Variants in SPICE1 observed in about 807,000 individuals in gnomAD.
SPICE1 encodes spindle and centriole associated protein 1, also known as spindle and centriole-associated protein 1.
In SPICE1, 75 loss-of-function variants were observed where a neutral mutation model predicts 102.7. The ratio of observed to expected loss-of-function variants is 0.73; its 90% CI spans 0.61 to 0.88. The LOEUF (loss-of-function observed/expected upper bound fraction) is 0.88, where lower values mean the gene tolerates loss of function less well. SPICE1 is among the 40% of genes least tolerant of loss of function. The pLI, the probability that SPICE1 is intolerant of heterozygous loss-of-function variation, is 0.00. For synonymous variants in SPICE1, 308 were observed against 350.3 expected, an observed-to-expected ratio of 0.88 and a Z score of 1.35; for missense variants, 979 against 1,020.1, an observed-to-expected ratio of 0.96 and a Z score of 0.55.
rs1481608687 is a variant in SPICE1 at position 113,453,798 on chromosome 3, ATC to A, written c.1808_1809del (p.Arg603MetfsTer20). 4 of 1,614,154 alleles carry A rather than the reference ATC, an allele frequency of 2.5e-6. No individual in the cohort carries two copies. In the South Asian group the frequency reaches 4.4e-5, roughly 18 times the overall value. On this transcript the variant is annotated frameshift_variant, in exon 14 of 18. Transcript: ENST00000295872. LOFTEE classifies it high-confidence loss of function. ...SSEENRLFTQ[R>X]WRVSHMGEDL... The stretch of plus-strand genomic sequence containing the variant: ...TCTTCTCCCATGTGAGAGACTCTCC[ATC>A]TCTGAGTGAAGAGACGATTCTCTTC...
At chr3:113,454,121 C>A (rs538670856) in intron 13 of SPICE1, among the ~76,000 whole-genome samples, 171 bp from the exon 14 acceptor site, 1 of 152,108 alleles carries the variant, frequency 6.6e-6, no homozygotes, top group Non-Finnish European at 1.5e-5. Context: ...TGCCGCCCCT[C>A]GTAATCAAGT....
At chr3:113,474,297 G>C (rs1054729760) in intron 7 of SPICE1, among the ~76,000 whole-genome samples, 1 of 152,090 alleles carries the variant, frequency 6.6e-6, no homozygotes, top group Non-Finnish European at 1.5e-5. Context: ...CAAGTTCTGA[G>C]TGACCTACAA....
chr3:113,461,282 T>C (rs1935927730), intron 11 of SPICE1, among the ~76,000 whole-genome samples: 1 of 151,786 alleles, frequency 6.6e-6, no homozygotes, highest in African/African-American at 2.4e-5. Context: ...CTATATTTTA[T>C]ATATGTATAT....
chr3:113,450,539 G>A (rs1240893791), intron 14 of SPICE1, 23 bp from the exon 15 acceptor site: 1 of 1,507,466 alleles, frequency 6.6e-7, no homozygotes, highest in South Asian at 1.3e-5. Context: ...AAAAAAAAAA[G>A]TACAAATTGA....
intron 5 of SPICE1, 65 bp from the exon 6 acceptor site, chr3:113,493,377 T>C (rs1459304807): frequency 2.4e-6 from 3 of 1,262,384 alleles, no homozygotes; most frequent in Middle Eastern, 1.8e-4. Context: ...ACAAGCTCTA[T>C]ACTGCCATTG....
intron 3 of SPICE1, 91 bp downstream of exon 3, chr3:113,503,088 AG>A: frequency 1.9e-5 from 25 of 1,319,306 alleles, no homozygotes; most frequent in Non-Finnish European, 2.5e-5. Flanking sequence ...AACAACTTCC[AG>A]GAAGTGCCTA....
Position 113,446,691 on chromosome 3 carries a change from TA to T in SPICE1, c.2427-16del, listed in dbSNP as rs1484109046. The T allele has an allele frequency of 1.3e-6, 2 of 1,583,742 alleles. No homozygotes were observed. Among genetic ancestry groups the T allele is most frequent in the Non-Finnish European group, 1.7e-6 (2 of 1,154,100 alleles). ...CCCCGGAAGATCTATTCATGAAAAA[TA>T]AAACAGAGTAAGAGAGTGAGCTATC... On this transcript the variant is annotated splice_polypyrimidine_tract_variant and intron_variant, in intron 16 of 17. Coordinates refer to ENST00000295872, the MANE Select transcript of SPICE1 (RefSeq NM_144718.4).
Position 113,499,430 on chromosome 3 carries a change from T to C in SPICE1, c.291+9A>G. 6.2e-7 allele frequency: 1 copy of C among 1,608,602 alleles called. No individual in the cohort carries two copies. Among genetic ancestry groups the C allele is most frequent in the Non-Finnish European group, 8.5e-7 (1 of 1,178,430 alleles). ...TTTTCTTTCTAACTCTAATGCAGTT[T>C]AGCATTACCTCCTTCATGATAGACA... On this transcript the variant is annotated intron_variant, in intron 4 of 17. Transcript: ENST00000295872.
rs551557992 is a variant in SPICE1 at position 113,459,354 on chromosome 3, A to G, written c.1435+1263T>C. On this transcript the variant is annotated intron_variant, in intron 12 of 17. Transcript: ENST00000295872. Reference sequence around the variant, plus strand: ...ATGTTTATCTGCTGACCTTCCCTCCACTATTGTCCTACGACCCTGCCAAAT... The same window carrying G: ...ATGTTTATCTGCTGACCTTCCCTCCGCTATTGTCCTACGACCCTGCCAAAT... 5.1e-5 allele frequency: 28 copies of G among 543,748 alleles called. No individual in the cohort carries two copies. The Middle Eastern group carries it at 4.0e-3, about 77-fold the overall frequency. 33.7% of individuals were successfully genotyped at this position (543,748 alleles called of 1,614,324 possible).
At position 113,453,580 on chromosome 3, in the gene SPICE1, T is replaced by A. The variant is rs200749441; in HGVS notation, c.2028A>T (p.Thr676=). 42 of 1,614,234 alleles carry A rather than the reference T, an allele frequency of 2.6e-5. No homozygotes were observed. In the East Asian group the frequency reaches 8.7e-4, roughly 33 times the overall value. Residue 676 remains threonine (T), a synonymous_variant, in exon 14 of 18, where the codon ACA becomes ACT. Transcript: ENST00000295872. ...GTGCCTTGATAGCTGAATTCTGCAATGTCAAATCAGCAATTCGTGTCATTA... is the reference window on the plus strand; with the variant it reads ...GTGCCTTGATAGCTGAATTCTGCAAAGTCAAATCAGCAATTCGTGTCATTA... The part of the protein sequence containing the change: ...KDIMTRIADL[T]LQNSAIKAHM...
intron 7 of SPICE1, among the ~76,000 whole-genome samples, chr3:113,484,030 T>C (rs942338680): frequency 6.6e-6 from 1 of 152,210 alleles, no homozygotes; most frequent in Non-Finnish European, 1.5e-5. Context: ...GTTGGTAGGC[T>C]ATTAATTACT....
chr3:113,473,348 T>G (rs1936254245), intron 7 of SPICE1, among the ~76,000 whole-genome samples: 1 of 152,148 alleles, frequency 6.6e-6, no homozygotes, highest in Non-Finnish European at 1.5e-5. Flanking sequence ...TGGAACCAAG[T>G]TGGAAAACAC....
intron 11 of SPICE1, among the ~76,000 whole-genome samples, chr3:113,465,305 G>T (rs1357354166): frequency 1.3e-5 from 2 of 152,088 alleles, no homozygotes; most frequent in East Asian, 3.8e-4. Context: ...CTCCTCAAAG[G>T]CTACCTTCTG....
intron 17 of SPICE1, among the ~76,000 whole-genome samples, chr3:113,445,947 A>G (rs1040305129): frequency 1.1e-4 from 16 of 152,182 alleles, no homozygotes; most frequent in Non-Finnish European, 1.9e-4. Flanking sequence ...AACTTTTACA[A>G]TTTTAAAGAT....
At position 113,453,541 on chromosome 3, in the gene SPICE1, AATATTATTC is replaced by A. The variant is rs945772943; in HGVS notation, c.2058_2066del (p.Met686_Asn688del). 2.1e-5 allele frequency: 34 copies of A among 1,614,058 alleles called. No homozygotes were observed. Among genetic ancestry groups the A allele is most frequent in the Non-Finnish European group, 2.8e-5 (33 of 1,180,046 alleles). The stretch of plus-strand genomic sequence containing the variant: ...CCCCTTGCTCTCCTCTGGGCTCAAT[AATATTATTC>A]ATATGTGCCTTGATAGCTGAATTCT... On this transcript the variant is annotated inframe_deletion, in exon 14 of 18. Coordinates refer to ENST00000295872, the MANE Select transcript of SPICE1 (RefSeq NM_144718.4).
At chr3:113,461,345 T>C (rs1935930070) in intron 11 of SPICE1, among the ~76,000 whole-genome samples, 1 of 151,618 alleles carries the variant, frequency 6.6e-6, no homozygotes, top group Admixed American at 6.6e-5. Context: ...ATATTTTTAA[T>C]ATTACATAAG....
intron 5 of SPICE1, 135 bp from the exon 6 acceptor site, chr3:113,493,447 A>G: frequency 1.4e-6 from 1 of 692,110 alleles, no homozygotes; most frequent in Non-Finnish European, 2.6e-6. Flanking sequence ...TGCTTACTAT[A>G]TGCCAGGCAC....
At chr3:113,482,418 T>C (rs945043962) in intron 7 of SPICE1, among the ~76,000 whole-genome samples, 3 of 152,236 alleles carry the variant, frequency 2.0e-5, no homozygotes, top group Non-Finnish European at 4.4e-5. Context: ...TTTAATTAGA[T>C]CCTCTTTGTC....
chr3:113,457,372 AG>A lies in SPICE1; in HGVS notation c.1436-16del. On this transcript the variant is annotated splice_polypyrimidine_tract_variant and intron_variant, in intron 12 of 17. Coordinates refer to ENST00000295872, the MANE Select transcript of SPICE1 (RefSeq NM_144718.4). Reference sequence around the variant, plus strand: ...AACTGGACGCTCTGAAGAAGATGAGAGGATATTAGTACAATAGGAACAAAAA... The same window carrying A: ...AACTGGACGCTCTGAAGAAGATGAGAGATATTAGTACAATAGGAACAAAAA... 6.2e-7 allele frequency: 1 copy of A among 1,612,810 alleles called. No individual in the cohort carries two copies. Among genetic ancestry groups the A allele is most frequent in the Non-Finnish European group, 8.5e-7 (1 of 1,179,012 alleles).
Sources: gnomAD v4.1 joint callset for allele counts (sites outside exome capture counted in the v4.1 genomes callset) on GRCh38, gnomAD v4.1.1 for gene constraint, MANE v1.5 for transcripts, NCBI Gene and HGNC (gene_info 2026-07-23, HGNC 2026-07-21) for gene names.